EXOC6B: variants seen among roughly 807,000 people sequenced by gnomAD.
EXOC6B encodes the protein exocyst complex component 6B, also known as SEC15 homolog B.
A neutral mutation model predicts 113.5 loss-of-function variants in EXOC6B; 54 were observed. That is an observed-to-expected ratio of 0.48 (90% CI 0.38 to 0.60). The LOEUF is 0.60. Among genes scored for constraint, EXOC6B ranks in the 20% least tolerant of loss-of-function variants. EXOC6B has a pLI of 0.00. For synonymous variants in EXOC6B, 357 were observed against 339.0 expected (o/e 1.05, Z -0.58); for missense variants, 797 against 977.5 (o/e 0.82, Z 2.46).
intron 20 of EXOC6B, among the ~76,000 whole-genome samples, chr2:72,239,012 C>A (rs1198670110): frequency 6.6e-6 from 1 of 152,140 alleles, no homozygotes; most frequent in Admixed American, 6.5e-5. Context: ...GATCCTCCCA[C>A]CTCAGCCTCC....
At chr2:72,501,017 C>T (rs1248282897) in intron 11 of EXOC6B, among the ~76,000 whole-genome samples, 1 of 152,194 alleles carries the variant, frequency 6.6e-6, no homozygotes, top group Middle Eastern at 3.2e-3. Context: ...TCTTCAACTT[C>T]ATTTCTATTT....
At chr2:72,235,764 C>G (rs1681922794) in intron 20 of EXOC6B, among the ~76,000 whole-genome samples, 1 of 151,958 alleles carries the variant, frequency 6.6e-6, no homozygotes, top group African/African-American at 2.4e-5. Flanking sequence ...CTTTGCTGCA[C>G]GGTTAAGGTC....
chr2:72,210,604 G>A (rs1680128166), intron 20 of EXOC6B, among the ~76,000 whole-genome samples: 1 of 152,160 alleles, frequency 6.6e-6, no homozygotes, highest in South Asian at 2.1e-4. Flanking sequence ...TCCCCAAAGG[G>A]CCCCTGAGTC....
intron 18 of EXOC6B, among the ~76,000 whole-genome samples, chr2:72,401,498 T>C (rs1276163918): frequency 5.3e-5 from 3 of 56,360 alleles, no homozygotes; most frequent in African/African-American, 6.7e-4. Flanking sequence ...TATATACATA[T>C]ATATATATAT....
chr2:72,558,274 A>C (rs1703680751), intron 8 of EXOC6B, among the ~76,000 whole-genome samples: 1 of 152,058 alleles, frequency 6.6e-6, no homozygotes, highest in Non-Finnish European at 1.5e-5. Context: ...AGAGAGAGGG[A>C]GTGTAAAGGG....
chr2:72,400,908 A>T (rs1693101451), intron 18 of EXOC6B, among the ~76,000 whole-genome samples: 1 of 152,040 alleles, frequency 6.6e-6, no homozygotes, highest in South Asian at 2.1e-4. Flanking sequence ...CTAAAAAAGA[A>T]CTAAAATTTG....
At chr2:72,237,021 G>A (rs1451660711) in intron 20 of EXOC6B, among the ~76,000 whole-genome samples, 1 of 152,044 alleles carries the variant, frequency 6.6e-6, no homozygotes, top group African/African-American at 2.4e-5. Flanking sequence ...TATTTCCTGA[G>A]ACCTCAAGTT....
chr2:72,604,399 A>C (rs974452334), intron 6 of EXOC6B, among the ~76,000 whole-genome samples: 1 of 152,238 alleles, frequency 6.6e-6, no homozygotes. Context: ...TAAAAAGAAA[A>C]CAAAAAAGAA....
intron 20 of EXOC6B, among the ~76,000 whole-genome samples, chr2:72,281,426 G>A (rs911649907): frequency 6.6e-6 from 1 of 151,990 alleles, no homozygotes; most frequent in Non-Finnish European, 1.5e-5. Flanking sequence ...TTAAAATAGA[G>A]AATAAAATAC....
chr2:72,803,068 A>C (rs1445937910), intron 1 of EXOC6B, among the ~76,000 whole-genome samples: 1 of 152,216 alleles, frequency 6.6e-6, no homozygotes, highest in Non-Finnish European at 1.5e-5. Flanking sequence ...AAATACAGGT[A>C]ATGTCTCCAC....
intron 18 of EXOC6B, among the ~76,000 whole-genome samples, chr2:72,408,793 G>T (rs1693970095): frequency 6.6e-6 from 1 of 152,084 alleles, no homozygotes. Flanking sequence ...TACCATTCAG[G>T]ACATAGGCAT....
At chr2:72,195,985 G>C (rs1679142747) in intron 20 of EXOC6B, among the ~76,000 whole-genome samples, 1 of 152,108 alleles carries the variant, frequency 6.6e-6, no homozygotes, top group South Asian at 2.1e-4. Context: ...AAACTGCAGT[G>C]GGAAGAAAGT....
At chr2:72,319,752 G>A (rs1018905038) in intron 20 of EXOC6B, among the ~76,000 whole-genome samples, 9 of 152,082 alleles carry the variant, frequency 5.9e-5, no homozygotes, top group Admixed American at 3.3e-4. Flanking sequence ...AACTGTGTTC[G>A]TGGATTAGAA....
intron 11 of EXOC6B, among the ~76,000 whole-genome samples, chr2:72,512,178 T>A (rs995277150): frequency 6.6e-5 from 10 of 152,088 alleles, no homozygotes; most frequent in Non-Finnish European, 1.2e-4. Flanking sequence ...CATTGCATGA[T>A]CACTGTCTGA....
In EXOC6B at chr2:72,424,832, T is replaced by C. The variant is rs1573091140; in HGVS notation, c.1980+40328A>G. On this transcript the variant is annotated intron_variant, in intron 18 of 21. Coordinates refer to ENST00000272427, the MANE Select transcript of EXOC6B (RefSeq NM_015189.3). Reference sequence around the variant, plus strand: ...TATCTTCATATTTGATAGCATCACATTTTTCTTTTAACTTTTATTTTAAGT... The same window carrying C: ...TATCTTCATATTTGATAGCATCACACTTTTCTTTTAACTTTTATTTTAAGT... Among the ~76,000 whole-genome samples, 3 of 152,308 alleles carry C rather than the reference T, an allele frequency of 2.0e-5. 1 individual carries two copies. In the East Asian group the frequency reaches 5.8e-4, roughly 29 times the overall value.
intron 18 of EXOC6B, among the ~76,000 whole-genome samples, chr2:72,460,229 G>T (rs912853885): frequency 6.6e-6 from 1 of 151,506 alleles, no homozygotes; most frequent in Non-Finnish European, 1.5e-5. Context: ...AGACTTAAAC[G>T]TTAGACCTAA....
intron 17 of EXOC6B, among the ~76,000 whole-genome samples, chr2:72,469,249 T>C (rs1698249959): frequency 6.6e-6 from 1 of 152,106 alleles, no homozygotes; most frequent in East Asian, 1.9e-4. Flanking sequence ...TATTCATCCA[T>C]CCAGGATTTT....
In EXOC6B at chr2:72,236,297, C is replaced by G. The variant is rs140254260; in HGVS notation, c.2197-52110G>C. ...GCAGTAATATTGGGCCACTAATACA[C>G]AAGACGAGATTAAATGGTTTGAAAT... On this transcript the variant is annotated intron_variant, in intron 20 of 21. Transcript: ENST00000272427. 6.4e-4 allele frequency among the ~76,000 whole-genome samples: 97 copies of G among 152,252 alleles called. 1 individual carries two copies. The East Asian group carries it at 0.017, about 26-fold the overall frequency.
chr2:72,820,703 A>G (rs1686534018), intron 1 of EXOC6B, among the ~76,000 whole-genome samples: 1 of 152,172 alleles, frequency 6.6e-6, no homozygotes, highest in South Asian at 2.1e-4. Flanking sequence ...AGGAGATCAA[A>G]ATAAATCAAC....
Sources: gnomAD v4.1 joint callset for allele counts (sites outside exome capture counted in the v4.1 genomes callset) on GRCh38, gnomAD v4.1.1 for gene constraint, MANE v1.5 for transcripts, NCBI Gene and HGNC (gene_info 2026-07-23, HGNC 2026-07-21) for gene names.